HBS1L: variants seen among roughly 807,000 people sequenced by gnomAD.
The protein encoded by HBS1L is HBS1-like protein.
Under a neutral mutation model 88.9 loss-of-function variants are expected in HBS1L, and 55 were observed. The observed-to-expected ratio is 0.62, with a 90% CI of 0.50 to 0.77. The LOEUF is 0.77. HBS1L is among the 30% of genes least tolerant of loss of function. The probability of loss-of-function intolerance (pLI) is 0.00; values close to 1 mark genes in which losing one functional copy is unlikely to be tolerated. For synonymous variants in HBS1L, 267 were observed against 288.5 expected, an observed-to-expected ratio of 0.93 and a Z score of 0.76; for missense variants, 741 against 829.3, an observed-to-expected ratio of 0.89 and a Z score of 1.31.
chr6:135,052,349 T>A (rs1232700014), intron 1 of HBS1L, among the ~76,000 whole-genome samples: 10 of 152,048 alleles, frequency 6.6e-5, no homozygotes, highest in African/African-American at 2.4e-4. Context: ...GTAATTCCAG[T>A]ACTTTGGGAA....
intron 1 of HBS1L, among the ~76,000 whole-genome samples, chr6:135,053,813 T>C (rs1404508747): frequency 1.3e-5 from 2 of 152,266 alleles, no homozygotes; most frequent in African/African-American, 4.8e-5. Flanking sequence ...ATGTGATGCT[T>C]GGTGATGCCT....
At chr6:134,979,894 T>C (rs1038166500) in intron 13 of HBS1L, among the ~76,000 whole-genome samples, 2 of 152,026 alleles carry the variant, frequency 1.3e-5, no homozygotes, top group African/African-American at 4.8e-5. Flanking sequence ...GAAATAGTGA[T>C]AAGAAAATTT....
chr6:134,969,919 A>C (rs575594282), intron 15 of HBS1L, among the ~76,000 whole-genome samples: 13 of 152,334 alleles, frequency 8.5e-5, no homozygotes, highest in Admixed American at 7.8e-4. Context: ...CACAGTAATT[A>C]ATGTATTCAT....
chr6:134,993,527 T>A (rs926203019), intron 8 of HBS1L, among the ~76,000 whole-genome samples: 1 of 152,192 alleles, frequency 6.6e-6, no homozygotes, highest in African/African-American at 2.4e-5. Flanking sequence ...AAGAAACTCA[T>A]AGCTTTTATA....
chr6:135,000,871 G>A (rs1775435118), intron 5 of HBS1L, among the ~76,000 whole-genome samples: 2 of 152,128 alleles, frequency 1.3e-5, no homozygotes, highest in African/African-American at 2.4e-5. Context: ...CTGAAATCTT[G>A]ACTCAAAAGT....
At chr6:135,027,513 T>C (rs1267819773) in intron 4 of HBS1L, among the ~76,000 whole-genome samples, 2 of 152,118 alleles carry the variant, frequency 1.3e-5, no homozygotes, top group Non-Finnish European at 2.9e-5. Context: ...AAAGAACCCA[T>C]CAGCCACTGC....
chr6:134,973,645 G>A (rs1367975566), intron 15 of HBS1L, among the ~76,000 whole-genome samples: 3 of 152,052 alleles, frequency 2.0e-5, no homozygotes, highest in Non-Finnish European at 4.4e-5. Context: ...GTGAAACCCC[G>A]TCTCCACTAA....
chr6:135,002,599 T>G, intron 5 of HBS1L, 135 bp downstream of exon 5: 1 of 593,662 alleles, frequency 1.7e-6, no homozygotes, highest in Non-Finnish European at 3.1e-6. Context: ...TACTATGTTA[T>G]ACTGAGGATA....
At chr6:135,032,520 T>C (rs973835286) in intron 4 of HBS1L, among the ~76,000 whole-genome samples, 2 of 152,102 alleles carry the variant, frequency 1.3e-5, no homozygotes, top group Non-Finnish European at 2.9e-5. Context: ...TTCTAAACTA[T>C]TATAAAACTG....
At chr6:135,032,481 AT>A (rs1284905599) in intron 4 of HBS1L, among the ~76,000 whole-genome samples, 2 of 152,158 alleles carry the variant, frequency 1.3e-5, no homozygotes, top group Non-Finnish European at 2.9e-5. Flanking sequence ...GTCCACATTT[AT>A]ATATAATCTG....
intron 4 of HBS1L, among the ~76,000 whole-genome samples, chr6:135,013,983 G>T (rs921899275): frequency 2.0e-5 from 3 of 152,026 alleles, no homozygotes; most frequent in African/African-American, 7.3e-5. Flanking sequence ...TTTATATCAG[G>T]GATTTAAGCA....
chr6:135,010,875 C>A (rs1775754915), intron 4 of HBS1L, among the ~76,000 whole-genome samples: 1 of 152,066 alleles, frequency 6.6e-6, no homozygotes. Flanking sequence ...TAGAATAGGG[C>A]ATCTGCAAAT....
At position 134,982,575 on chromosome 6, in the gene HBS1L, C is replaced by A; in HGVS notation, c.1493-13G>T. The A allele has an allele frequency of 6.8e-7, 1 of 1,480,514 alleles. No homozygotes were observed. The highest frequency in any genetic ancestry group is 9.4e-7 in the Non-Finnish European group (1 of 1,060,318). 91.7% of individuals were successfully genotyped at this position (1,480,514 alleles called of 1,614,324 possible). On this transcript the variant is annotated splice_polypyrimidine_tract_variant and intron_variant, in intron 12 of 17. Transcript: ENST00000367837. ...CCAGATCCTTGATCTGCAAAACATACCAAAATCTTATGGTTCATACAGCAA... is the reference window on the plus strand; with the variant it reads ...CCAGATCCTTGATCTGCAAAACATAACAAAATCTTATGGTTCATACAGCAA...
rs771772136 is a variant in HBS1L at position 134,963,778 on chromosome 6, A to G, written c.*1501T>C. On this transcript the variant is annotated 3_prime_UTR_variant, in exon 18 of 18. Transcript: ENST00000367837. ...CAGCACCAGGGAAGGCAGAGTGGAG[A>G]TGAGTCCTTGCTAACATTGTGTGAG... is the stretch of plus-strand genomic sequence containing the variant. 2 of 152,142 alleles carry G rather than the reference A, an allele frequency of 1.3e-5. No homozygotes were observed. The highest frequency in any genetic ancestry group is 2.9e-5 in the Non-Finnish European group (2 of 68,054). The allele number at this position is 152,142 out of a possible 1,614,324, so 9.4% of individuals were successfully genotyped here.
In HBS1L at chr6:135,000,443, AGAGGTTTAATCTTTCTTCTG is replaced by A. The variant is rs367973294; in HGVS notation, c.539+2271_539+2290del. ...CTAAAAGTAAACTATACATGAATCT[AGAGGTTTAATCTTTCTTCTG>A]GAGTTAAATACTTAGAAGCGAATAA... On this transcript the variant is annotated intron_variant, in intron 5 of 17. Coordinates refer to ENST00000367837, the MANE Select transcript of HBS1L (RefSeq NM_006620.4). Among the ~76,000 whole-genome samples the A allele has an allele frequency of 8.6e-3, 1,303 of 152,044 alleles. 17 individuals carry two copies. The highest frequency in any genetic ancestry group is 0.027 in the African/African-American group (1,139 of 41,420).
intron 1 of HBS1L, 65 bp downstream of exon 1, chr6:135,054,584 G>A: frequency 6.4e-7 from 1 of 1,574,086 alleles, no homozygotes; most frequent in South Asian, 1.1e-5. Context: ...TGAAGTGGAT[G>A]CCAACGGGCT....
At chr6:134,966,240 C>T (rs918670675) in intron 17 of HBS1L, 89 bp downstream of exon 17, 75 of 1,185,544 alleles carry the variant, frequency 6.3e-5, no homozygotes, top group South Asian at 2.0e-4. Flanking sequence ...TCTTTCATTC[C>T]CTCAATGCTT....
At chr6:135,037,180 G>T (rs1776580509) in intron 4 of HBS1L, 1 of 1,551,572 alleles carries the variant, frequency 6.4e-7, no homozygotes, top group Non-Finnish European at 8.7e-7. Flanking sequence ...TGATATTCCG[G>T]GTGAAGACTG....
chr6:135,016,385 CAAAGAG>C (rs947427831), intron 4 of HBS1L, among the ~76,000 whole-genome samples: 2 of 152,166 alleles, frequency 1.3e-5, no homozygotes, highest in Non-Finnish European at 2.9e-5. Flanking sequence ...TTCTGCTTAA[CAAAGAG>C]AAAGTTTCCG....
Sources: gnomAD v4.1 joint callset for allele counts (sites outside exome capture counted in the v4.1 genomes callset) on GRCh38, gnomAD v4.1.1 for gene constraint, MANE v1.5 for transcripts, NCBI Gene and HGNC (gene_info 2026-07-23, HGNC 2026-07-21) for gene names.